PCLO: variants seen among roughly 807,000 people sequenced by gnomAD.
PCLO encodes piccolo presynaptic cytomatrix protein.
A neutral mutation model predicts 427.5 loss-of-function variants in PCLO; 82 were observed. That is an observed-to-expected ratio of 0.19 (90% CI 0.16 to 0.23). PCLO has a LOEUF of 0.23. Ranked by LOEUF, PCLO falls within the 10% of genes least tolerant of loss-of-function variation. The probability of loss-of-function intolerance (pLI) is 1.00; values close to 1 mark genes in which losing one functional copy is unlikely to be tolerated. For missense variants in PCLO, 6,239 were observed against 6,115.9 expected, an observed-to-expected ratio of 1.02 and a Z score of -0.67; for synonymous variants, 2,357 against 2,155.4, an observed-to-expected ratio of 1.09 and a Z score of -2.59.
chr7:83,131,339 G>C (rs1029459694), intron 3 of PCLO, among the ~76,000 whole-genome samples: 27 of 152,236 alleles, frequency 1.8e-4, no homozygotes, highest in African/African-American at 6.3e-4. Flanking sequence ...GCACTCCTCA[G>C]GTACAGTGGG....
At chr7:82,976,601 T>G (rs1796023350) in intron 3 of PCLO, among the ~76,000 whole-genome samples, 1 of 152,188 alleles carries the variant, frequency 6.6e-6, no homozygotes, top group Admixed American at 6.5e-5. Flanking sequence ...TAACAAACTA[T>G]TTTGGATATT....
chr7:83,103,205 A>G (rs1790777385), intron 3 of PCLO, among the ~76,000 whole-genome samples: 1 of 151,936 alleles, frequency 6.6e-6, no homozygotes, highest in Admixed American at 6.6e-5. Context: ...GAGAAGATGC[A>G]CTAACTGTAA....
At chr7:82,965,559 T>C (rs1795747709) in intron 4 of PCLO, among the ~76,000 whole-genome samples, 1 of 152,144 alleles carries the variant, frequency 6.6e-6, no homozygotes, top group African/African-American at 2.4e-5. Flanking sequence ...GGGAAATAAA[T>C]GTGGTATTTA....
intron 10 of PCLO, among the ~76,000 whole-genome samples, chr7:82,874,940 T>C (rs926739845): frequency 2.0e-5 from 3 of 152,166 alleles, no homozygotes; most frequent in Non-Finnish European, 4.4e-5. Context: ...ATTGTTAAAA[T>C]TGTAATCCTA....
rs751783652 is a variant in PCLO, at chr7:82,949,778, G to A, written c.10810C>T (p.Leu3604Phe). 9 of 1,613,782 alleles carry A rather than the reference G, an allele frequency of 5.6e-6. No individual in the cohort carries two copies. In the Admixed American group the frequency reaches 1.2e-4, roughly 21 times the overall value. ...TPLEIGYSSH[L>F]RADSTVQLAP... is the part of the protein sequence containing the mutation. ...AGCTGTACTGTGGAATCTGCCCGGA[G>A]GTGAGATGAATAACCAATCTCTAAA... The change falls in exon 6 of 25, where the codon CTC (leucine) becomes TTC (phenylalanine). Residue 3604 changes from leucine (L) to phenylalanine (F), a missense_variant. By Grantham distance (22) the Leu-to-Phe change is conservative. Coordinates refer to ENST00000333891, the MANE Select transcript of PCLO (RefSeq NM_033026.6).
chr7:82,888,274 C>T (rs961459459), intron 9 of PCLO, among the ~76,000 whole-genome samples: 1 of 152,042 alleles, frequency 6.6e-6, no homozygotes, highest in Non-Finnish European at 1.5e-5. Flanking sequence ...TTCTTTTGGT[C>T]TTCCACGAGA....
intron 3 of PCLO, among the ~76,000 whole-genome samples, chr7:83,113,968 CT>C (rs2116534185): frequency 6.6e-6 from 1 of 151,860 alleles, no homozygotes; most frequent in East Asian, 1.9e-4. Flanking sequence ...CCTTCTATAC[CT>C]TAAAAGAAAT....
chr7:82,860,217 C>T (rs1324502428), intron 10 of PCLO, among the ~76,000 whole-genome samples: 2 of 151,650 alleles, frequency 1.3e-5, no homozygotes, highest in Non-Finnish European at 2.9e-5. Flanking sequence ...TATCCAAGAA[C>T]AAGAAGGTTT....
intron 7 of PCLO, 23 bp from the exon 8 acceptor site, chr7:82,909,036 A>G (rs1584135489): frequency 6.2e-7 from 1 of 1,611,148 alleles, no homozygotes; most frequent in East Asian, 2.2e-5. Context: ...AGGAAACATC[A>G]TACATTGCAA....
At chr7:82,931,288 T>C (rs950039738) in intron 6 of PCLO, among the ~76,000 whole-genome samples, 1 of 152,124 alleles carries the variant, frequency 6.6e-6, no homozygotes, top group African/African-American at 2.4e-5. Flanking sequence ...ATGAAGAGAT[T>C]TGAGGAGAAG....
At chr7:83,112,912 T>C (rs565420443) in intron 3 of PCLO, among the ~76,000 whole-genome samples, 4 of 152,284 alleles carry the variant, frequency 2.6e-5, no homozygotes, top group African/African-American at 7.2e-5. Context: ...AGTAAAGACC[T>C]CCATTTGTCC....
At chr7:82,813,195 A>G (rs1791609447) in intron 20 of PCLO, among the ~76,000 whole-genome samples, 1 of 151,720 alleles carries the variant, frequency 6.6e-6, no homozygotes. Flanking sequence ...GTAAAGAGGA[A>G]GTTTGGACAG....
intron 3 of PCLO, among the ~76,000 whole-genome samples, chr7:83,014,524 A>G (rs1031274400): frequency 1.3e-5 from 2 of 152,130 alleles, no homozygotes; most frequent in African/African-American, 2.4e-5. Flanking sequence ...ATTTCCTGAA[A>G]GTAATACACC....
intron 3 of PCLO, among the ~76,000 whole-genome samples, chr7:83,009,268 C>T (rs1396850473): frequency 2.6e-5 from 4 of 151,722 alleles, no homozygotes. Context: ...ACCAAATGAA[C>T]TCATTGGCAT....
intron 19 of PCLO, among the ~76,000 whole-genome samples, chr7:82,823,314 A>T (rs1791843051): frequency 6.6e-6 from 1 of 152,078 alleles, no homozygotes; most frequent in Non-Finnish European, 1.5e-5. Flanking sequence ...CTGGACATGG[A>T]CTCACTTTCT....
intron 3 of PCLO, among the ~76,000 whole-genome samples, chr7:83,081,461 A>G (rs1790098447): frequency 6.6e-6 from 1 of 151,946 alleles, no homozygotes; most frequent in South Asian, 2.1e-4. Context: ...ATCTGAATGA[A>G]AATGGAAAAT....
intron 3 of PCLO, among the ~76,000 whole-genome samples, chr7:83,049,983 A>G (rs1450622820): frequency 6.6e-6 from 1 of 150,794 alleles, no homozygotes; most frequent in African/African-American, 2.4e-5. Flanking sequence ...CAAATTTGTT[A>G]TTTCTTCATA....
Position 82,827,876 on chromosome 7 carries a change from T to G in PCLO, c.14340A>C (p.Glu4780Asp). 6.6e-7 allele frequency: 1 copy of G among 1,517,868 alleles called. No individual in the cohort carries two copies. Among genetic ancestry groups the G allele is most frequent in the Non-Finnish European group, 9.1e-7 (1 of 1,095,868 alleles). 94.0% of individuals were successfully genotyped at this position (1,517,868 alleles called of 1,614,324 possible). ...CCTAGAAATAATCTTGACATACCTG[T>G]TCCATGGAAATACTTTTATAAATTA... Reference protein sequence around the residue: ...QTVIYKSISMEQLKKKTLEVT... With the variant: ...QTVIYKSISMDQLKKKTLEVT... The change falls in exon 17 of 25, where the codon GAA becomes GAC. Residue 4780 changes from glutamate to aspartate, a missense_variant. Physicochemically the swap from Glu to Asp is conservative, Grantham distance 45. Coordinates refer to ENST00000333891, the MANE Select transcript of PCLO (RefSeq NM_033026.6).
intron 13 of PCLO, 78 bp downstream of exon 13, chr7:82,845,193 G>A: frequency 2.1e-6 from 2 of 942,652 alleles, no homozygotes; most frequent in Non-Finnish European, 3.3e-6. Context: ...TTTAGAAAAT[G>A]ATATTTTATT....
Sources: gnomAD v4.1 joint callset for allele counts (sites outside exome capture counted in the v4.1 genomes callset) on GRCh38, gnomAD v4.1.1 for gene constraint, MANE v1.5 for transcripts, NCBI Gene and HGNC (gene_info 2026-07-23, HGNC 2026-07-21) for gene names.